The following SLC39A8 variants were observed in gnomAD, a reference collection of about 807,000 sequenced individuals.
SLC39A8 encodes the protein solute carrier family 39 member 8.
A neutral mutation model predicts 40.4 loss-of-function variants in SLC39A8; 15 were observed. The observed-to-expected ratio is 0.37, with a 90% confidence interval of 0.25 to 0.57. The LOEUF is 0.57. Among genes scored for constraint, SLC39A8 ranks in the 20% least tolerant of loss-of-function variants. SLC39A8 has a pLI of 0.75. For missense variants in SLC39A8, 472 were observed against 558.8 expected, an observed-to-expected ratio of 0.84 and a Z score of 1.57; for synonymous variants, 223 against 221.6, an observed-to-expected ratio of 1.01 and a Z score of -0.06.
intron 2 of SLC39A8, among the ~76,000 whole-genome samples, chr4:102,325,796 G>C (rs764405330): frequency 6.6e-6 from 1 of 151,932 alleles, no homozygotes; most frequent in Non-Finnish European, 1.5e-5. Flanking sequence ...CTTTTTCCAG[G>C]TTCCCCTAAA....
intron 6 of SLC39A8, among the ~76,000 whole-genome samples, chr4:102,298,647 C>G (rs1212092902): frequency 6.6e-6 from 1 of 151,950 alleles, no homozygotes; most frequent in African/African-American, 2.4e-5. Context: ...TCTAGTCCAT[C>G]CTGAAATGCC....
At chr4:102,268,252 G>C (rs1370656980) in intron 6 of SLC39A8, among the ~76,000 whole-genome samples, 173 bp from the exon 7 acceptor site, 1 of 152,194 alleles carries the variant, frequency 6.6e-6, no homozygotes, top group East Asian at 1.9e-4. Context: ...TTATGGTTGA[G>C]AGAAAGGAAA....
At chr4:102,307,358 G>A in intron 4 of SLC39A8, 78 bp downstream of exon 4, 1 of 1,502,646 alleles carries the variant, frequency 6.7e-7, no homozygotes, top group East Asian at 2.3e-5. Flanking sequence ...TAAGAATTAT[G>A]GAGGCTAAAA....
At chr4:102,270,022 G>T (rs1038618699) in intron 6 of SLC39A8, among the ~76,000 whole-genome samples, 2 of 152,174 alleles carry the variant, frequency 1.3e-5, no homozygotes. Context: ...AACAAAGGTG[G>T]TCATAGGGAA....
At chr4:102,270,657 C>CTT (rs1300585773) in intron 6 of SLC39A8, among the ~76,000 whole-genome samples, 1 of 152,152 alleles carries the variant, frequency 6.6e-6, no homozygotes, top group Non-Finnish European at 1.5e-5. Flanking sequence ...TGAAAAGACA[C>CTT]TAAGTCTGGA....
chr4:102,280,816 T>C (rs1051009521), intron 6 of SLC39A8, among the ~76,000 whole-genome samples: 1 of 152,222 alleles, frequency 6.6e-6, no homozygotes, highest in African/African-American at 2.4e-5. Context: ...CGCAAGTTGT[T>C]TCCTGTCTCT....
chr4:102,339,921 C>G (rs183994866), intron 2 of SLC39A8, among the ~76,000 whole-genome samples: 20 of 152,284 alleles, frequency 1.3e-4, no homozygotes, highest in African/African-American at 4.8e-4. Flanking sequence ...TATTGAAACA[C>G]TAAGCATGTG....
intron 2 of SLC39A8, among the ~76,000 whole-genome samples, chr4:102,317,239 G>A (rs1179425647): frequency 6.6e-6 from 1 of 152,068 alleles, no homozygotes; most frequent in Non-Finnish European, 1.5e-5. Flanking sequence ...GATCACTACT[G>A]TTTATAAAGG....
chr4:102,339,927 A>G (rs1435240596), intron 2 of SLC39A8, among the ~76,000 whole-genome samples: 1 of 152,226 alleles, frequency 6.6e-6, no homozygotes, highest in Non-Finnish European at 1.5e-5. Context: ...AACACTAAGC[A>G]TGTGGGAGTT....
intron 6 of SLC39A8, among the ~76,000 whole-genome samples, chr4:102,290,304 T>C (rs1410571901): frequency 2.0e-5 from 3 of 152,188 alleles, no homozygotes; most frequent in African/African-American, 4.8e-5. Context: ...AACATATCTT[T>C]TATATTCACT....
rs1362043874 is a variant in SLC39A8 at position 102,262,036 on chromosome 4, A to T, written c.*1008T>A. On this transcript the variant is annotated 3_prime_UTR_variant, in exon 9 of 9. Coordinates refer to ENST00000356736, the MANE Select transcript of SLC39A8 (RefSeq NM_001135146.2). Reference sequence around the variant, plus strand: ...ATGGAAAAGTATAGGCTGAACACAAAGGAAGTCTTTTCTGAATGGCTCTCG... The same window carrying T: ...ATGGAAAAGTATAGGCTGAACACAATGGAAGTCTTTTCTGAATGGCTCTCG... The T allele has an allele frequency of 1.0e-6, 1 of 985,962 alleles. No individual in the cohort carries two copies. Among genetic ancestry groups the T allele is most frequent in the East Asian group, 1.1e-4 (1 of 8,954 alleles). 61.1% of individuals were successfully genotyped at this position (985,962 alleles called of 1,614,324 possible).
At chr4:102,338,996 G>C (rs1735795421) in intron 2 of SLC39A8, among the ~76,000 whole-genome samples, 1 of 152,168 alleles carries the variant, frequency 6.6e-6, no homozygotes, top group South Asian at 2.1e-4. Flanking sequence ...TTGGGAGTTA[G>C]ATATGAAAGG....
intron 6 of SLC39A8, among the ~76,000 whole-genome samples, chr4:102,297,822 G>A (rs184482254): frequency 2.0e-4 from 30 of 152,206 alleles, no homozygotes; most frequent in Admixed American, 1.6e-3. Flanking sequence ...GGAGGCTGAG[G>A]TGGGAGGATC....
At chr4:102,312,731 C>T (rs1734485911) in intron 3 of SLC39A8, among the ~76,000 whole-genome samples, 2 of 151,986 alleles carry the variant, frequency 1.3e-5, no homozygotes, top group South Asian at 2.1e-4. Context: ...GAATAATGTT[C>T]GAAGTACTTT....
chr4:102,257,710 C>G (rs1451785116), downstream of SLC39A8, among the ~76,000 whole-genome samples: 2 of 152,204 alleles, frequency 1.3e-5, no homozygotes, highest in Admixed American at 1.3e-4. Flanking sequence ...ATTGCAAATG[C>G]ACGAAGTCCC....
At chr4:102,287,557 T>C (rs1733238147) in intron 6 of SLC39A8, among the ~76,000 whole-genome samples, 1 of 152,028 alleles carries the variant, frequency 6.6e-6, no homozygotes, top group African/African-American at 2.4e-5. Context: ...TTGCATCACG[T>C]CCCACCCCAA....
At chr4:102,281,448 C>T (rs1309760136) in intron 6 of SLC39A8, among the ~76,000 whole-genome samples, 1 of 152,128 alleles carries the variant, frequency 6.6e-6, no homozygotes, top group East Asian at 1.9e-4. Context: ...CAAGATCCCA[C>T]TCAATATACT....
At chr4:102,274,273 G>A (rs979062896) in intron 6 of SLC39A8, among the ~76,000 whole-genome samples, 2 of 152,100 alleles carry the variant, frequency 1.3e-5, no homozygotes, top group South Asian at 2.1e-4. Context: ...TGATAAAGTC[G>A]AAAAACACAG....
At chr4:102,267,795 G>T in intron 7 of SLC39A8, 77 bp downstream of exon 7, 1 of 1,560,094 alleles carries the variant, frequency 6.4e-7, no homozygotes, top group Non-Finnish European at 8.8e-7. Flanking sequence ...GATTTTAAGA[G>T]CATGTCACCT....
Sources: allele counts gnomAD v4.1 joint callset (sites outside exome capture counted in the v4.1 genomes callset), GRCh38; gene constraint gnomAD v4.1.1; transcripts MANE v1.5; gene names NCBI Gene and HGNC (gene_info 2026-07-23, HGNC 2026-07-21).